The following PARVA variants were observed in gnomAD, a reference collection of about 807,000 sequenced individuals.
PARVA encodes alpha-parvin.
A neutral mutation model predicts 52.6 loss-of-function variants in PARVA; 25 were observed. The ratio of observed to expected loss-of-function variants is 0.48; its 90% CI spans 0.35 to 0.66. PARVA has a LOEUF of 0.66. PARVA is among the 30% of genes least tolerant of loss of function. The pLI, the probability that PARVA is intolerant of heterozygous loss-of-function variation, is 0.01. For missense variants in PARVA, 373 were observed against 450.9 expected, an observed-to-expected ratio of 0.83 and a Z score of 1.56; for synonymous variants, 185 against 179.1, an observed-to-expected ratio of 1.03 and a Z score of -0.26.
chr11:12,484,905 C>G (rs905439422), intron 4 of PARVA, among the ~76,000 whole-genome samples: 1 of 150,350 alleles, frequency 6.7e-6, no homozygotes, highest in African/African-American at 2.4e-5. Context: ...CTTGACCTCC[C>G]TGGGCTCAGG....
chr11:12,428,715 A>G (rs1288739171), intron 1 of PARVA, among the ~76,000 whole-genome samples: 3 of 152,220 alleles, frequency 2.0e-5, no homozygotes, highest in Non-Finnish European at 4.4e-5. Flanking sequence ...CCAATTGACT[A>G]GCGGAGCAAA....
intron 1 of PARVA, among the ~76,000 whole-genome samples, chr11:12,405,398 A>C (rs907929408): frequency 6.6e-6 from 1 of 152,306 alleles, no homozygotes; most frequent in East Asian, 1.9e-4. Context: ...GTTTAGAAAA[A>C]TATATTAAGT....
At chr11:12,440,648 T>C (rs1308337312) in intron 1 of PARVA, among the ~76,000 whole-genome samples, 1 of 152,190 alleles carries the variant, frequency 6.6e-6, no homozygotes, top group Non-Finnish European at 1.5e-5. Flanking sequence ...AGAATCTGCT[T>C]CTAAGCTCAT....
chr11:12,425,719 G>A (rs1020522143), intron 1 of PARVA, among the ~76,000 whole-genome samples: 8 of 152,144 alleles, frequency 5.3e-5, no homozygotes, highest in African/African-American at 1.2e-4. Flanking sequence ...GGGATGGGGC[G>A]GAGGGAGATC....
At position 12,473,785 on chromosome 11, in the gene PARVA, G is replaced by C. The variant is rs1470668046; in HGVS notation, c.177G>C (p.Leu59=). 1.3e-6 allele frequency: 2 copies of C among 1,570,752 alleles called. No individual in the cohort carries two copies. The highest frequency in any genetic ancestry group is 1.7e-4 in the Middle Eastern group (1 of 6,018). ...LQEEGMNAIN[L]PLSPIPFELD... Reference sequence around the variant, plus strand: ...AGGAGGGAATGAACGCCATCAACCTGCCCCTCAGCCCAATTCCCTTTGAGC... The same window carrying C: ...AGGAGGGAATGAACGCCATCAACCTCCCCCTCAGCCCAATTCCCTTTGAGC... Residue 59 remains leucine, a synonymous_variant, in exon 2 of 13, where the codon CTG becomes CTC. Transcript: ENST00000334956.
At chr11:12,485,972 G>A (rs916470209) in intron 4 of PARVA, among the ~76,000 whole-genome samples, 3 of 152,196 alleles carry the variant, frequency 2.0e-5, no homozygotes, top group African/African-American at 7.2e-5. Flanking sequence ...AACAGAGGAC[G>A]CTAAGGAGAC....
intron 9 of PARVA, 68 bp from the exon 10 acceptor site, chr11:12,513,929 C>T (rs974505487): frequency 2.7e-5 from 38 of 1,413,464 alleles, no homozygotes; most frequent in Admixed American, 1.8e-4. Context: ...ACGGGAGTCA[C>T]GGAGCAGCCA....
chr11:12,433,495 CTGTTT>C (rs879448084), intron 1 of PARVA, among the ~76,000 whole-genome samples: 53 of 152,196 alleles, frequency 3.5e-4, no homozygotes, highest in African/African-American at 1.2e-3. Flanking sequence ...AAGGTTTGTT[CTGTTT>C]TGTTTTGTTT....
At chr11:12,511,627 C>A in intron 8 of PARVA, 94 bp downstream of exon 8, 2 of 1,323,216 alleles carry the variant, frequency 1.5e-6, no homozygotes, top group Non-Finnish European at 2.2e-6. Context: ...CTCAGCTTGT[C>A]ACCTGGATAT....
chr11:12,396,257 GTATT>G (rs377334035), intron 1 of PARVA, among the ~76,000 whole-genome samples: 166 of 152,320 alleles, frequency 1.1e-3, no homozygotes, highest in African/African-American at 3.9e-3. Flanking sequence ...CTTTTCTGAA[GTATT>G]TATTTTTCAT....
intron 1 of PARVA, among the ~76,000 whole-genome samples, chr11:12,471,500 A>G (rs1411912162): frequency 6.6e-6 from 1 of 152,224 alleles, no homozygotes; most frequent in African/African-American, 2.4e-5. Flanking sequence ...TGTGGTACAT[A>G]TACACCATGG....
intron 4 of PARVA, chr11:12,479,766 T>C (rs1280217247): frequency 6.6e-6 from 1 of 152,230 alleles, no homozygotes; most frequent in Non-Finnish European, 1.5e-5. Flanking sequence ...TATACATACA[T>C]GTAAGTATAT....
intron 5 of PARVA, among the ~76,000 whole-genome samples, chr11:12,499,931 A>T (rs1010687931): frequency 6.6e-6 from 1 of 152,210 alleles, no homozygotes; most frequent in Non-Finnish European, 1.5e-5. Flanking sequence ...ATACTATATA[A>T]TGTGACATTG....
intron 1 of PARVA, among the ~76,000 whole-genome samples, chr11:12,390,847 GT>G (rs1231441198): frequency 6.6e-6 from 1 of 152,160 alleles, no homozygotes; most frequent in Non-Finnish European, 1.5e-5. Context: ...GGAACCAACA[GT>G]TTTGATGCTG....
chr11:12,508,554 T>A (rs764125793), intron 6 of PARVA, 30 bp from the exon 7 acceptor site: 2 of 1,540,652 alleles, frequency 1.3e-6, no homozygotes, highest in Admixed American at 3.4e-5. Flanking sequence ...TCTCTTCTCC[T>A]CCCAACCCCT....
chr11:12,504,364 T>G lies in PARVA; in HGVS notation c.592T>G (p.Ser198Ala). 2 of 1,613,900 alleles carry G rather than the reference T, an allele frequency of 1.2e-6. No individual in the cohort carries two copies. Among genetic ancestry groups the G allele is most frequent in the Non-Finnish European group, 1.7e-6 (2 of 1,179,798 alleles). Residue 198 changes from serine to alanine, a missense_variant, in exon 6 of 13, where the codon TCT (serine) becomes GCT (alanine). Ser to Ala is a moderately conservative substitution (Grantham distance 99). Transcript: ENST00000334956. ...VAILHLLVAL[S>A]QYFRAPIRLP... ...CATCTTACACCTGCTCGTTGCTCTG[T>G]CTCAGTATTTCCGCGCACCAATTCG...
At chr11:12,420,515 A>G (rs1380363479) in intron 1 of PARVA, among the ~76,000 whole-genome samples, 1 of 152,252 alleles carries the variant, frequency 6.6e-6, no homozygotes, top group Non-Finnish European at 1.5e-5. Context: ...GAGCAGACAC[A>G]TGGAAAATAC....
intron 6 of PARVA, 52 bp downstream of exon 6, chr11:12,504,481 C>A: frequency 8.6e-7 from 1 of 1,163,450 alleles, no homozygotes; most frequent in Non-Finnish European, 1.3e-6. Context: ...TCGTGGAGGT[C>A]GAGTTCCTAT....
intron 1 of PARVA, among the ~76,000 whole-genome samples, chr11:12,396,033 A>G (rs1471672614): frequency 3.9e-5 from 6 of 152,210 alleles, no homozygotes; most frequent in African/African-American, 9.6e-5. Context: ...TACGTATCCA[A>G]CATATGTCAA....
Sources: allele counts gnomAD v4.1 joint callset (sites outside exome capture counted in the v4.1 genomes callset), GRCh38; gene constraint gnomAD v4.1.1; transcripts MANE v1.5; gene names NCBI Gene and HGNC (gene_info 2026-07-23, HGNC 2026-07-21).